The following NADK variants were observed in gnomAD, a reference collection of about 807,000 sequenced individuals.
NADK encodes the protein NAD kinase, also known as poly(P)/ATP NAD kinase.
NADK carries 22 observed loss-of-function variants against 49.8 expected under a neutral mutation model. That is an observed-to-expected ratio of 0.44 (90% confidence interval 0.32 to 0.63). The LOEUF is 0.63. NADK is among the 30% of genes least tolerant of loss of function. The pLI, the probability that NADK is intolerant of heterozygous loss-of-function variation, is 0.06. For missense variants in NADK, 438 were observed against 609.4 expected, an observed-to-expected ratio of 0.72 and a Z score of 2.96; for synonymous variants, 268 against 253.7, an observed-to-expected ratio of 1.06 and a Z score of -0.54.
At chr1:1,761,276 C>A (rs1037653390) in intron 3 of NADK, among the ~76,000 whole-genome samples, 7 of 152,180 alleles carry the variant, frequency 4.6e-5, no homozygotes, top group Admixed American at 2.0e-4. Context: ...CAGGTGTGAG[C>A]CACCGCAGCT....
chr1:1,759,961 G>A, intron 3 of NADK: 2 of 1,523,428 alleles, frequency 1.3e-6, no homozygotes, highest in African/African-American at 2.8e-5. Flanking sequence ...GCCCGGTGGG[G>A]TGCCAGGGAC....
intron 1 of NADK, among the ~76,000 whole-genome samples, chr1:1,777,530 A>T (rs1570598529): frequency 6.6e-6 from 1 of 151,424 alleles, no homozygotes; most frequent in African/African-American, 2.4e-5. Context: ...TGAATGTAAA[A>T]CTTAGTGTGT....
chr1:1,773,435 C>T (rs1646110397), intron 1 of NADK, among the ~76,000 whole-genome samples: 1 of 150,950 alleles, frequency 6.6e-6, no homozygotes, highest in Non-Finnish European at 1.5e-5. Flanking sequence ...GCCACCGCAC[C>T]CAGCCAATTA....
At chr1:1,772,309 T>C (rs918565026) in intron 1 of NADK, among the ~76,000 whole-genome samples, 2 of 152,012 alleles carry the variant, frequency 1.3e-5, no homozygotes, top group African/African-American at 4.8e-5. Flanking sequence ...ACTACAAGCA[T>C]GCACCACCAT....
intron 1 of NADK, among the ~76,000 whole-genome samples, chr1:1,771,116 TTAAAA>T (rs1646040157): frequency 6.8e-6 from 1 of 147,788 alleles, no homozygotes; most frequent in Non-Finnish European, 1.5e-5. Context: ...ATATATCTTA[TTAAAA>T]TATATATACA....
rs954228075 is a variant in NADK, at chr1:1,752,749, A to C, written c.*155T>G. On this transcript the variant is annotated 3_prime_UTR_variant, in exon 12 of 12. Coordinates refer to ENST00000341426, the MANE Select transcript of NADK (RefSeq NM_023018.5). ...GTCAGACATTTTAAAAAAACAGCTG[A>C]TCTGGACAAAAGGCAGACCCAGGCT... 5 of 841,508 alleles carry C rather than the reference A, an allele frequency of 5.9e-6. No homozygotes were observed. The highest frequency in any genetic ancestry group is 7.3e-6 in the Non-Finnish European group (4 of 547,594). The allele number at this position is 841,508 out of a possible 1,614,324, so 52.1% of individuals were successfully genotyped here. A position where few individuals can be genotyped will look rare whatever the true frequency, so the allele number is the denominator to read the frequency against.
chr1:1,752,597 C>G lies in NADK; in HGVS notation c.*307G>C, dbSNP rs577650862. On this transcript the variant is annotated 3_prime_UTR_variant, in exon 12 of 12. Transcript: ENST00000341426. ...CTCTGAATTTCAACCGACTGATTTG[C>G]GGAAAAATATCCTGGCATGGAAATT... is the stretch of plus-strand genomic sequence containing the variant. 2 of 298,060 alleles carry G rather than the reference C, an allele frequency of 6.7e-6. No homozygotes were observed. Among genetic ancestry groups the G allele is most frequent in the Admixed American group, 4.9e-5 (1 of 20,388 alleles). 18.5% of individuals were successfully genotyped at this position (298,060 alleles called of 1,614,324 possible).
chr1:1,767,053 T>C (rs1570562103), intron 1 of NADK, among the ~76,000 whole-genome samples: 1 of 152,204 alleles, frequency 6.6e-6, no homozygotes, highest in South Asian at 2.1e-4. Context: ...CAGCTGGGAC[T>C]ACAGGCGTGC....
chr1:1,753,707 C>A, intron 10 of NADK, 58 bp from the exon 11 acceptor site: 1 of 1,465,294 alleles, frequency 6.8e-7, no homozygotes, highest in Non-Finnish European at 9.4e-7. Flanking sequence ...CGCTTCTAGG[C>A]ACCCACCCCT....
At chr1:1,760,602 C>T (rs1312879944) in intron 3 of NADK, among the ~76,000 whole-genome samples, 3 of 152,100 alleles carry the variant, frequency 2.0e-5, no homozygotes, top group Non-Finnish European at 4.4e-5. Flanking sequence ...GCAGCCTGCG[C>T]GCTGGAACAC....
chr1:1,771,655 A>G (rs1412018522), intron 1 of NADK, among the ~76,000 whole-genome samples: 1 of 152,218 alleles, frequency 6.6e-6, no homozygotes. Flanking sequence ...CTTTTCACCT[A>G]ATAGTTCTGA....
chr1:1,778,501 G>T (rs1377776182), upstream of NADK: 1 of 149,372 alleles, frequency 6.7e-6, no homozygotes, highest in African/African-American at 2.4e-5. This position sits in a 1 kb window ranked among gnomAD's most constrained non-coding sequence, Gnocchi z 4.9. Context: ...CATGCGCGCT[G>T]CCGCGCACGT....
intron 3 of NADK, chr1:1,759,985 G>GATGGCGGGACAGAGCC (rs1433770687): frequency 2.3e-5 from 34 of 1,452,088 alleles, no homozygotes; most frequent in Non-Finnish European, 3.1e-5. Flanking sequence ...GCAAGCACAG[G>GATGGCGGGACAGAGCC]ATGGCGGGAC....
chr1:1,759,746 C>A (rs376047267), intron 3 of NADK: 183 of 1,554,506 alleles, frequency 1.2e-4, no homozygotes, highest in Non-Finnish European at 4.4e-5. Context: ...CTTCCTCCTG[C>A]GGGGCTGTCT....
Position 1,769,982 on chromosome 1 carries a change from AAAACAAAAAC to A in NADK, c.-40-4546_-40-4537del, listed in dbSNP as rs1488965998. Among the ~76,000 whole-genome samples the A allele has an allele frequency of 9.5e-5, 5 of 52,828 alleles. No individual in the cohort carries two copies. The East Asian group carries it at 3.6e-3, about 38-fold the overall frequency. 34.7% of individuals were successfully genotyped at this position (52,828 alleles called of 152,430 possible). A position where few individuals can be genotyped will look rare whatever the true frequency, so the allele number is the denominator to read the frequency against. ...AATCCCAGCACTCAAAACAAAAACA[AAAACAAAAAC>A]AAAAACAAAAACAAAAACAAAAAAA... is the stretch of plus-strand genomic sequence containing the variant. On this transcript the variant is annotated intron_variant, in intron 1 of 11. Transcript: ENST00000341426.
At chr1:1,755,761 G>A (rs1003715053) in intron 6 of NADK, among the ~76,000 whole-genome samples, 4 of 152,176 alleles carry the variant, frequency 2.6e-5, no homozygotes. Context: ...GCGGGTGGGA[G>A]GCAGCCTTGG....
intron 1 of NADK, among the ~76,000 whole-genome samples, chr1:1,776,601 C>G (rs570992962): frequency 6.6e-6 from 1 of 151,870 alleles, no homozygotes; most frequent in South Asian, 2.1e-4. Flanking sequence ...CAGTGAAACC[C>G]GTCTCTACTA....
In NADK at chr1:1,753,652, G is replaced by C; in HGVS notation, c.1102-3C>G. On this transcript the variant is annotated splice_polypyrimidine_tract_variant and splice_region_variant and intron_variant, in intron 10 of 11. Transcript: ENST00000341426. The stretch of plus-strand genomic sequence containing the variant: ...CTTGCTTCAGGTGACAGCATGATCT[G>C]AGGGTCAAGCAGGGAGAGGTGTGGG... 6.2e-7 allele frequency: 1 copy of C among 1,605,384 alleles called. No homozygotes were observed. The highest frequency in any genetic ancestry group is 1.1e-5 in the South Asian group (1 of 89,732).
In NADK at chr1:1,754,183, G is replaced by T; in HGVS notation, c.969C>A (p.Gly323=). The change falls in exon 10 of 12, where the codon GGC becomes GGA. Residue 323 remains glycine, a synonymous_variant. Transcript: ENST00000341426. This position sits in a 1 kb window ranked among gnomAD's most constrained non-coding sequence, Gnocchi z 4.3. ...CGGCCGCGGCCGCATACGCCGTGCT[G>T]CCCGTCGGGGTGGACACGATCACTC... ...GDGVIVSTPT[G]STAYAAAAGA... 6.2e-7 allele frequency: 1 copy of T among 1,612,542 alleles called. No individual in the cohort carries two copies. The highest frequency in any genetic ancestry group is 8.5e-7 in the Non-Finnish European group (1 of 1,179,778).
Sources: allele counts gnomAD v4.1 joint callset (sites outside exome capture counted in the v4.1 genomes callset), GRCh38; gene constraint gnomAD v4.1.1; non-coding constraint Gnocchi (gnomAD v3.1); transcripts MANE v1.5; gene names NCBI Gene and HGNC (gene_info 2026-07-23, HGNC 2026-07-21).